The following NT5DC1 variants were observed in gnomAD, a reference collection of about 807,000 sequenced individuals.
The protein encoded by NT5DC1 is 5'-nucleotidase domain containing 1.
A neutral mutation model predicts 59.4 loss-of-function variants in NT5DC1; 42 were observed. That is an observed-to-expected ratio of 0.71 (90% CI 0.55 to 0.92). The LOEUF (loss-of-function observed/expected upper bound fraction) is 0.92, where lower values mean the gene tolerates loss of function less well. Among genes scored for constraint, NT5DC1 ranks in the 40% least tolerant of loss-of-function variants. The probability of loss-of-function intolerance (pLI) is 0.00; values close to 1 mark genes in which losing one functional copy is unlikely to be tolerated. For missense variants in NT5DC1, 501 were observed against 537.1 expected (o/e 0.93, Z 0.66); for synonymous variants, 172 against 188.1 (o/e 0.91, Z 0.70).
intron 6 of NT5DC1, chr6:116,136,916 G>A (rs898007758): frequency 1.3e-5 from 2 of 152,146 alleles, no homozygotes; most frequent in East Asian, 1.9e-4. Flanking sequence ...TGTGTTTGTC[G>A]TGATGGATAG....
At chr6:116,125,123 A>G (rs1234134524) in intron 6 of NT5DC1, among the ~76,000 whole-genome samples, 1 of 152,240 alleles carries the variant, frequency 6.6e-6, no homozygotes, top group African/African-American at 2.4e-5. Context: ...TTGCAGGTAT[A>G]TCTTTCAACT....
chr6:116,167,894 C>G (rs528474928), intron 6 of NT5DC1, among the ~76,000 whole-genome samples: 1 of 152,112 alleles, frequency 6.6e-6, no homozygotes, highest in Non-Finnish European at 1.5e-5. Flanking sequence ...CACTTTCATT[C>G]TTAGAGAATA....
At chr6:116,132,469 A>C (rs569209022) in intron 6 of NT5DC1, among the ~76,000 whole-genome samples, 1 of 151,870 alleles carries the variant, frequency 6.6e-6, no homozygotes, top group Admixed American at 6.6e-5. Context: ...TAATTTGCTT[A>C]TGAGTTTTTT....
chr6:116,199,058 A>G (rs1343014274), intron 6 of NT5DC1, among the ~76,000 whole-genome samples: 1 of 152,022 alleles, frequency 6.6e-6, no homozygotes, highest in East Asian at 1.9e-4. Context: ...GCCTCTATCC[A>G]CTAGATGGTA....
At chr6:116,103,890 A>G (rs1778712761) in intron 1 of NT5DC1, among the ~76,000 whole-genome samples, 2 of 152,178 alleles carry the variant, frequency 1.3e-5, no homozygotes, top group East Asian at 3.8e-4. Context: ...GCATGCTTAT[A>G]CTAAAAAAAA....
chr6:116,162,297 G>C (rs2114429639), intron 6 of NT5DC1, among the ~76,000 whole-genome samples: 1 of 152,276 alleles, frequency 6.6e-6, no homozygotes, highest in South Asian at 2.1e-4. Context: ...GCTCTGGCTA[G>C]AACTTCCATT....
intron 6 of NT5DC1, among the ~76,000 whole-genome samples, chr6:116,151,724 A>G (rs1780044827): frequency 6.6e-6 from 1 of 152,206 alleles, no homozygotes; most frequent in Admixed American, 6.5e-5. Context: ...GGAATTAAGT[A>G]TGTTCATTTT....
chr6:116,153,260 G>A (rs920906169), intron 6 of NT5DC1, among the ~76,000 whole-genome samples: 1 of 151,996 alleles, frequency 6.6e-6, no homozygotes, highest in Admixed American at 6.6e-5. Context: ...TATAAGATAT[G>A]TTATATAAGA....
intron 6 of NT5DC1, among the ~76,000 whole-genome samples, chr6:116,155,046 A>G (rs1490324084): frequency 1.3e-5 from 2 of 152,208 alleles, no homozygotes; most frequent in Admixed American, 1.3e-4. Context: ...CTTTGGTTTG[A>G]CAGGGAGTAT....
At position 116,247,625 on chromosome 6, in the gene NT5DC1, C is replaced by CT. The variant is rs1408952732; in HGVS notation, c.*3601_*3602insT. 2.6e-5 allele frequency: 4 copies of CT among 152,112 alleles called. No individual in the cohort carries two copies. The highest frequency in any genetic ancestry group is 4.4e-5 in the Non-Finnish European group (3 of 68,016). 9.4% of individuals were successfully genotyped at this position (152,112 alleles called of 1,614,324 possible). Reference sequence around the variant, plus strand: ...ACTGCTTGCCAATCAGTTTGTTGTACCATGTACCTGTTCACAGACTCTTTT... The same window carrying CT: ...ACTGCTTGCCAATCAGTTTGTTGTACTCATGTACCTGTTCACAGACTCTTTT... On this transcript the variant is annotated 3_prime_UTR_variant, in exon 12 of 12. Coordinates refer to ENST00000319550, the MANE Select transcript of NT5DC1 (RefSeq NM_152729.3).
chr6:116,148,980 AAGTGATG>A (rs1156228571), intron 6 of NT5DC1, among the ~76,000 whole-genome samples: 1 of 152,194 alleles, frequency 6.6e-6, no homozygotes, highest in Non-Finnish European at 1.5e-5. Context: ...CTAAACATTT[AAGTGATG>A]AGAATTGACA....
chr6:116,214,767 T>A (rs1781657811), intron 6 of NT5DC1, among the ~76,000 whole-genome samples: 1 of 152,052 alleles, frequency 6.6e-6, no homozygotes, highest in South Asian at 2.1e-4. Flanking sequence ...GTGTTCATTG[T>A]GGCTAAAGAG....
intron 6 of NT5DC1, among the ~76,000 whole-genome samples, chr6:116,160,992 C>T (rs1179590541): frequency 6.6e-6 from 1 of 151,810 alleles, no homozygotes; most frequent in Non-Finnish European, 1.5e-5. Flanking sequence ...ACATATACAC[C>T]ATGGAATACT....
chr6:116,146,409 C>T (rs1779898494), intron 6 of NT5DC1, among the ~76,000 whole-genome samples: 1 of 152,116 alleles, frequency 6.6e-6, no homozygotes, highest in South Asian at 2.1e-4. Flanking sequence ...AGGAATTTCT[C>T]AGAAGCTCCA....
At chr6:116,128,949 G>A (rs1779392994) in intron 6 of NT5DC1, among the ~76,000 whole-genome samples, 1 of 152,040 alleles carries the variant, frequency 6.6e-6, no homozygotes, top group African/African-American at 2.4e-5. Context: ...GTCTTTTATA[G>A]TAGTGAGAAT....
intron 6 of NT5DC1, among the ~76,000 whole-genome samples, chr6:116,126,893 C>A (rs1172447998): frequency 6.6e-6 from 1 of 151,914 alleles, no homozygotes; most frequent in Admixed American, 6.6e-5. Context: ...AGGAATCATC[C>A]CAATTAGAAA....
intron 6 of NT5DC1, among the ~76,000 whole-genome samples, chr6:116,141,861 T>A (rs1413071788): frequency 6.9e-6 from 1 of 143,960 alleles, no homozygotes; most frequent in Non-Finnish European, 1.5e-5. Flanking sequence ...CTTATTTCAG[T>A]AAAAGATTTT....
At chr6:116,125,032 A>G (rs954300760) in intron 6 of NT5DC1, among the ~76,000 whole-genome samples, 1 of 152,226 alleles carries the variant, frequency 6.6e-6, no homozygotes, top group African/African-American at 2.4e-5. Context: ...TGATTAGATC[A>G]AGATTTCTGG....
At chr6:116,166,247 T>C (rs1190041355) in intron 6 of NT5DC1, among the ~76,000 whole-genome samples, 1 of 152,182 alleles carries the variant, frequency 6.6e-6, no homozygotes. Flanking sequence ...CTATCTTCCC[T>C]AAGCTTTCCA....
Sources: allele counts gnomAD v4.1 joint callset (sites outside exome capture counted in the v4.1 genomes callset), GRCh38; gene constraint gnomAD v4.1.1; transcripts MANE v1.5; gene names NCBI Gene and HGNC (gene_info 2026-07-23, HGNC 2026-07-21).